Variants in CPXM1 observed in about 807,000 individuals in gnomAD.
CPXM1 encodes probable carboxypeptidase X1.
A neutral mutation model predicts 80.4 loss-of-function variants in CPXM1; 72 were observed. That is an observed-to-expected ratio of 0.90 (90% CI 0.74 to 1.09). CPXM1 has a LOEUF of 1.09. Ranked by LOEUF, CPXM1 falls within the 50% of genes least tolerant of loss-of-function variation. The pLI is 0.00. For missense variants in CPXM1, 892 were observed against 999.4 expected, an observed-to-expected ratio of 0.89 and a Z score of 1.45; for synonymous variants, 403 against 405.6, an observed-to-expected ratio of 0.99 and a Z score of 0.08.
At position 2,794,228 on chromosome 20, in the gene CPXM1, G is replaced by C. The variant is rs1265907546; in HGVS notation, c.2167C>G (p.Arg723Gly). The C allele has an allele frequency of 6.2e-7, 1 of 1,613,770 alleles. No homozygotes were observed. The highest frequency in any genetic ancestry group is 8.5e-7 in the Non-Finnish European group (1 of 1,179,986). ...AAGAKVPPDL[R>G]RRLERLRGQK... is the part of the protein sequence containing the mutation. Reference sequence around the variant, plus strand: ...CCCCTTAGCCGCTCCAGGCGCCTGCGAAGGTCCGGGGGCACCTTGGCCCCA... The same window carrying C: ...CCCCTTAGCCGCTCCAGGCGCCTGCCAAGGTCCGGGGGCACCTTGGCCCCA... The change falls in exon 14 of 14, where the codon CGC becomes GGC. Residue 723 changes from arginine to glycine, a missense_variant. Physicochemically the swap from Arg to Gly is moderately radical, Grantham distance 125. Coordinates refer to ENST00000380605, the MANE Select transcript of CPXM1 (RefSeq NM_019609.5). The surrounding 1 kb of genome is among the most constrained non-coding windows in gnomAD (Gnocchi z 5.2).
chr20:2,796,878 G>T lies in CPXM1; in HGVS notation c.921+128C>A. 2.0e-6 allele frequency: 2 copies of T among 1,024,576 alleles called. No individual in the cohort carries two copies. The highest frequency in any genetic ancestry group is 2.9e-6 in the Non-Finnish European group (2 of 681,000). The allele number at this position is 1,024,576 out of a possible 1,614,324, so 63.5% of individuals were successfully genotyped here. On this transcript the variant is annotated intron_variant, in intron 7 of 13. Transcript: ENST00000380605. This position sits in a 1 kb window ranked among gnomAD's most constrained non-coding sequence, Gnocchi z 6.8. Reference sequence around the variant, plus strand: ...AGCTTAGGGGTCCACAGGAGAGAAGGCTGAGACATCAGGAGGCAGCAGGGG... The same window carrying T: ...AGCTTAGGGGTCCACAGGAGAGAAGTCTGAGACATCAGGAGGCAGCAGGGG...
rs1388315042 is a variant in CPXM1, at chr20:2,796,287, GGCAGCAGGTGAAT to G, written c.1189_1201del (p.Ile397ProfsTer3). 1.9e-5 allele frequency: 30 copies of G among 1,613,732 alleles called. No homozygotes were observed. In the Admixed American group the frequency reaches 4.8e-4, roughly 26 times the overall value. ...CTCATAGCCATCAGGGTTCATGGAG[GGCAGCAGGTGAAT>G]GCGCATCTCAGAGAGCAGCCGGGTC... On this transcript the variant is annotated frameshift_variant, in exon 9 of 14. Coordinates refer to ENST00000380605, the MANE Select transcript of CPXM1 (RefSeq NM_019609.5). LOFTEE classifies it high-confidence loss of function. The surrounding 1 kb of genome is among the most constrained non-coding windows in gnomAD (Gnocchi z 6.8).
In CPXM1 at chr20:2,798,783, G is replaced by T; in HGVS notation, c.283C>A (p.Pro95Thr). The T allele has an allele frequency of 1.2e-6, 2 of 1,613,990 alleles. No individual in the cohort carries two copies. Among genetic ancestry groups the T allele is most frequent in the South Asian group, 1.1e-5 (1 of 91,066 alleles). Reference sequence around the variant, plus strand: ...CCTGCTGGAGTGGGGGTCACAAGGGGCCCGGCAGTCACCAGTGGGGTGGGG... The same window carrying T: ...CCTGCTGGAGTGGGGGTCACAAGGGTCCCGGCAGTCACCAGTGGGGTGGGG... ...TRPTPLVTAGPLVTPTPAGTL... is the reference protein window; with the variant it reads ...TRPTPLVTAGTLVTPTPAGTL... Residue 95 changes from proline to threonine, a missense_variant, in exon 2 of 14, where the codon CCC (proline) becomes ACC (threonine). Physicochemically the swap from Pro to Thr is conservative, Grantham distance 38 (BLOSUM62 -1). Coordinates refer to ENST00000380605, the MANE Select transcript of CPXM1 (RefSeq NM_019609.5).
chr20:2,796,672 G>A lies in CPXM1; in HGVS notation c.922-22C>T, dbSNP rs2088512815. On this transcript the variant is annotated intron_variant, in intron 7 of 13. Coordinates refer to ENST00000380605, the MANE Select transcript of CPXM1 (RefSeq NM_019609.5). This position sits in a 1 kb window ranked among gnomAD's most constrained non-coding sequence, Gnocchi z 6.8. ...TCAGCTGGTGGGCAGAGTGTAGCGTGGCATGAGGCATGGGAGGGGTACACC... is the reference window on the plus strand; with the variant it reads ...TCAGCTGGTGGGCAGAGTGTAGCGTAGCATGAGGCATGGGAGGGGTACACC... 1.2e-6 allele frequency: 2 copies of A among 1,612,834 alleles called. No individual in the cohort carries two copies. The highest frequency in any genetic ancestry group is 1.1e-5 in the South Asian group (1 of 91,028).
At chr20:2,800,268 C>A (rs942707166) in intron 1 of CPXM1, 133 bp downstream of exon 1, 2 of 783,002 alleles carry the variant, frequency 2.6e-6, no homozygotes, top group Non-Finnish European at 3.7e-6. Flanking sequence ...AGTGTGCGTG[C>A]GGGGTGAGTG....
chr20:2,800,325 G>T, intron 1 of CPXM1, 76 bp downstream of exon 1: 3 of 1,317,628 alleles, frequency 2.3e-6, no homozygotes, highest in East Asian at 6.0e-5. Context: ...CGCGTGTTAG[G>T]GAGGGATCGC....
rs926931384 is a variant in CPXM1 at position 2,794,526 on chromosome 20, G to A, written c.1963+11C>T. ...TCCAGCCCCTTCCCTTGCCCTCCCG[G>A]TCAAACACACCCGTGGTCACGTCAT... On this transcript the variant is annotated intron_variant, in intron 13 of 13. Transcript: ENST00000380605. The surrounding 1 kb of genome is among the most constrained non-coding windows in gnomAD (Gnocchi z 5.2). 1.2e-6 allele frequency: 2 copies of A among 1,613,844 alleles called. No homozygotes were observed. The highest frequency in any genetic ancestry group is 1.1e-5 in the South Asian group (1 of 91,074).
Position 2,794,424 on chromosome 20 carries a change from G to C in CPXM1, c.1971C>G (p.Gly657=). Residue 657 remains glycine (G), a synonymous_variant, in exon 14 of 14, where the codon GGC becomes GGG. Coordinates refer to ENST00000380605, the MANE Select transcript of CPXM1 (RefSeq NM_019609.5). The surrounding 1 kb of genome is among the most constrained non-coding windows in gnomAD (Gnocchi z 5.2). The part of the protein sequence containing the change: ...GINHDVTTAW[G]GDYWRLLTPG... Reference sequence around the variant, plus strand: ...GGGTCAGCAGACGCCAATAATCCCCGCCCCACGCTGAGGAGAGTGAAGGGC... The same window carrying C: ...GGGTCAGCAGACGCCAATAATCCCCCCCCCACGCTGAGGAGAGTGAAGGGC... The C allele has an allele frequency of 6.2e-7, 1 of 1,613,912 alleles. No individual in the cohort carries two copies. Among genetic ancestry groups the C allele is most frequent in the Non-Finnish European group, 8.5e-7 (1 of 1,179,884 alleles).
intron 1 of CPXM1, 107 bp downstream of exon 1, chr20:2,800,294 G>T: frequency 2.0e-6 from 2 of 1,001,936 alleles, no homozygotes; most frequent in East Asian, 3.3e-5. Context: ...GACTGTGAGT[G>T]TGCGTGGGTG....
intron 1 of CPXM1, among the ~76,000 whole-genome samples, chr20:2,800,143 A>G (rs556111060): frequency 6.9e-4 from 87 of 126,544 alleles, no homozygotes; most frequent in Admixed American, 4.9e-3. Context: ...GTGTGCGCGC[A>G]CGCGCGTGTG....
rs1223865844 is a variant in CPXM1, at chr20:2,794,181, C to A, written c.*9G>T. 6.9e-6 allele frequency: 11 copies of A among 1,603,772 alleles called. No homozygotes were observed. The highest frequency in any genetic ancestry group is 5.1e-5 in the Admixed American group (3 of 59,238). On this transcript the variant is annotated 3_prime_UTR_variant, in exon 14 of 14. Coordinates refer to ENST00000380605, the MANE Select transcript of CPXM1 (RefSeq NM_019609.5). The surrounding 1 kb of genome is among the most constrained non-coding windows in gnomAD (Gnocchi z 5.2). ...TCCAGCCTGCCCTAGGGCTCTTAAA[C>A]CGCAGGTATCAATCCTTCTGTCCCC...
chr20:2,800,190 C>T (rs988605959), intron 1 of CPXM1, among the ~76,000 whole-genome samples: 5 of 149,736 alleles, frequency 3.3e-5, no homozygotes, highest in Admixed American at 1.3e-4. Flanking sequence ...AATGCGCGCG[C>T]GTGTGAGTGC....
chr20:2,795,530 G>C lies in CPXM1; in HGVS notation c.1720+69C>G, dbSNP rs549143936. The C allele has an allele frequency of 1.3e-6, 2 of 1,587,062 alleles. No homozygotes were observed. Among genetic ancestry groups the C allele is most frequent in the Admixed American group, 3.4e-5 (2 of 59,054 alleles). On this transcript the variant is annotated intron_variant, in intron 11 of 13. Transcript: ENST00000380605. The surrounding 1 kb of genome is among the most constrained non-coding windows in gnomAD (Gnocchi z 5.4). Reference sequence around the variant, plus strand: ...GTGGGAACAGACGCCAGCACTGTACGCAACCGCAGGCTGTCTTATCAGGGC... The same window carrying C: ...GTGGGAACAGACGCCAGCACTGTACCCAACCGCAGGCTGTCTTATCAGGGC...
intron 2 of CPXM1, 26 bp from the exon 3 acceptor site, chr20:2,798,563 C>CA: frequency 3.1e-6 from 5 of 1,600,862 alleles, no homozygotes; most frequent in Non-Finnish European, 4.3e-6. Flanking sequence ...AACAGTGAGA[C>CA]AGGACCAGAG....
In CPXM1 at chr20:2,795,924, G is replaced by A. The variant is rs780596511; in HGVS notation, c.1423-28C>T. ...GGATGGGGCAGGTCAGGAGGGGCAG[G>A]AGACAGAGACAAGGTCCGCCCCCCA... On this transcript the variant is annotated intron_variant, in intron 10 of 13. Transcript: ENST00000380605. This position sits in a 1 kb window ranked among gnomAD's most constrained non-coding sequence, Gnocchi z 5.4. 1.2e-6 allele frequency: 2 copies of A among 1,603,722 alleles called. No homozygotes were observed. Among genetic ancestry groups the A allele is most frequent in the Non-Finnish European group, 1.7e-6 (2 of 1,172,742 alleles).
At chr20:2,798,378 G>A in intron 3 of CPXM1, 50 bp downstream of exon 3, 1 of 1,603,004 alleles carries the variant, frequency 6.2e-7, no homozygotes, top group Non-Finnish European at 8.5e-7. Context: ...AAGCTCCCAG[G>A]GGCTGCCTTC....
rs571541445 is a variant in CPXM1 at position 2,794,436 on chromosome 20, G to A, written c.1964-5C>T. On this transcript the variant is annotated splice_polypyrimidine_tract_variant and splice_region_variant and intron_variant, in intron 13 of 13. Coordinates refer to ENST00000380605, the MANE Select transcript of CPXM1 (RefSeq NM_019609.5). The surrounding 1 kb of genome is among the most constrained non-coding windows in gnomAD (Gnocchi z 5.2). ...GCCAATAATCCCCGCCCCACGCTGA[G>A]GAGAGTGAAGGGCACGATCAGGACC... The A allele has an allele frequency of 3.1e-6, 5 of 1,613,606 alleles. No individual in the cohort carries two copies. Among genetic ancestry groups the A allele is most frequent in the South Asian group, 2.2e-5 (2 of 91,062 alleles).
At chr20:2,797,144 C>T (rs774793492) in intron 6 of CPXM1, 48 bp downstream of exon 6, 4 of 1,611,980 alleles carry the variant, frequency 2.5e-6, no homozygotes, top group South Asian at 1.1e-5. Context: ...GTGAAGGATG[C>T]ACCCTGCATC....
chr20:2,796,601 C>T lies in CPXM1; in HGVS notation c.971G>A (p.Ser324Asn). The change falls in exon 8 of 14, where the codon AGC (serine) becomes AAC (asparagine). Residue 324 changes from serine (S) to asparagine (N), a missense_variant. Physicochemically the swap from Ser to Asn is conservative, Grantham distance 46. Around this residue, in one of 2 missense-constraint regions of CPXM1, gnomAD observed 874 missense variants for 958.4 expected, o/e 0.91. Coordinates refer to ENST00000380605, the MANE Select transcript of CPXM1 (RefSeq NM_019609.5). The surrounding 1 kb of genome is among the most constrained non-coding windows in gnomAD (Gnocchi z 6.8). ...CAGGCCCTGGTAGCTCTTCCCAATG[C>T]TGTAGATGCGGGTGATGTTGGGGCA... Reference protein sequence around the residue: ...EQCPNITRIYSIGKSYQGLKL... With the variant: ...EQCPNITRIYNIGKSYQGLKL... 6.2e-7 allele frequency: 1 copy of T among 1,614,184 alleles called. No homozygotes were observed. Among genetic ancestry groups the T allele is most frequent in the African/African-American group, 1.3e-5 (1 of 75,056 alleles).
Sources: gnomAD v4.1 joint callset for allele counts (sites outside exome capture counted in the v4.1 genomes callset) on GRCh38, gnomAD v4.1.1 for gene constraint, gnomAD v4.1.1 regional missense constraint, Gnocchi (gnomAD v3.1) non-coding constraint, MANE v1.5 for transcripts, NCBI Gene and HGNC (gene_info 2026-07-23, HGNC 2026-07-21) for gene names.